MIB1: variants seen among roughly 807,000 people sequenced by gnomAD.
MIB1 encodes the protein MIB E3 ubiquitin protein ligase 1.
MIB1 carries 278 observed loss-of-function variants against 124.5 expected under a neutral mutation model. The observed-to-expected ratio is 2.23, with a 90% CI of 2.02 to 2.47. MIB1 has a LOEUF of 2.47. Among genes scored for constraint, MIB1 ranks in the 30% most tolerant of loss-of-function variants. The probability of loss-of-function intolerance (pLI) is 0.00; values close to 1 mark genes in which losing one functional copy is unlikely to be tolerated. For missense variants in MIB1, 957 were observed against 1,254.4 expected, an observed-to-expected ratio of 0.76 and a Z score of 3.58; for synonymous variants, 446 against 429.4, an observed-to-expected ratio of 1.04 and a Z score of -0.48.
intron 4 of MIB1, among the ~76,000 whole-genome samples, chr18:21,776,333 A>G (rs1247393772): frequency 1.3e-5 from 2 of 152,014 alleles, no homozygotes; most frequent in African/African-American, 2.4e-5. Flanking sequence ...CCAGGATTCA[A>G]TGACAGTAAA....
intron 1 of MIB1, among the ~76,000 whole-genome samples, chr18:21,757,842 T>C (rs1417693015): frequency 6.6e-6 from 1 of 152,148 alleles, no homozygotes; most frequent in Non-Finnish European, 1.5e-5. Flanking sequence ...AAATAGGATT[T>C]AATAACTTAT....
rs1278051808 is a variant in MIB1, at chr18:21,869,218, A to G, written c.*4552A>G. 1.3e-5 allele frequency: 2 copies of G among 152,470 alleles called. No homozygotes were observed. The highest frequency in any genetic ancestry group is 4.8e-5 in the African/African-American group (2 of 41,436). 9.4% of individuals were successfully genotyped at this position (152,470 alleles called of 1,614,324 possible). On this transcript the variant is annotated 3_prime_UTR_variant, in exon 21 of 21. Coordinates refer to ENST00000261537, the MANE Select transcript of MIB1 (RefSeq NM_020774.4). ...ATGCTGAATATTTTACTTTTCCTGT[A>G]TAGTCTGCATGATTTGTTTCATAAA...
At chr18:21,745,476 CTCATTGGTTTAGGGATATGT>C (rs755278010) in intron 1 of MIB1, among the ~76,000 whole-genome samples, 65 of 152,230 alleles carry the variant, frequency 4.3e-4, no homozygotes, top group Non-Finnish European at 8.5e-4. Context: ...CCAATTGAGA[CTCATTGGTTTAGGGATATGT>C]ACATGCGTGG....
intron 1 of MIB1, among the ~76,000 whole-genome samples, chr18:21,730,290 G>A (rs2040762676): frequency 6.6e-6 from 1 of 152,188 alleles, no homozygotes; most frequent in Admixed American, 6.5e-5. Flanking sequence ...CACTGGGCTG[G>A]GCGCAGTGGC....
intron 16 of MIB1, 151 bp downstream of exon 16, chr18:21,847,276 C>G (rs1421132096): frequency 2.3e-5 from 17 of 732,780 alleles, no homozygotes; most frequent in Admixed American, 1.5e-4. Flanking sequence ...ATTTTTCTTC[C>G]TTGAAAATTT....
intron 9 of MIB1, 36 bp from the exon 10 acceptor site, chr18:21,803,867 TATTC>T (rs753425158): frequency 2.8e-6 from 4 of 1,451,486 alleles, no homozygotes; most frequent in Admixed American, 3.4e-5. Flanking sequence ...TGTTTCTGAT[TATTC>T]ATTCATTCTT....
Position 21,791,459 on chromosome 18 carries a change from C to A in MIB1, c.994C>A (p.Gln332Lys). Residue 332 changes from glutamine (Q) to lysine (K), a missense_variant, in exon 7 of 21, where the codon CAG (glutamine) becomes AAG (lysine). Gln to Lys is a moderately conservative substitution (Grantham distance 53). Coordinates refer to ENST00000261537, the MANE Select transcript of MIB1 (RefSeq NM_020774.4). ...TCAGGGTGCAGAAGGAGGCACCTCG[C>A]AGTTTCAAGTGGGTGATCTTGTACA... ...AAQGAEGGTS[Q>K]FQVGDLVQVC... is the part of the protein sequence containing the mutation. The A allele has an allele frequency of 6.2e-7, 1 of 1,614,034 alleles. No homozygotes were observed. Among genetic ancestry groups the A allele is most frequent in the Non-Finnish European group, 8.5e-7 (1 of 1,179,950 alleles).
intron 1 of MIB1, among the ~76,000 whole-genome samples, chr18:21,754,922 G>A (rs2041013747): frequency 6.6e-6 from 1 of 152,174 alleles, no homozygotes; most frequent in Non-Finnish European, 1.5e-5. Flanking sequence ...TTGGAAAGTA[G>A]TCCCTTTGGA....
chr18:21,863,193 A>G (rs557254742), intron 20 of MIB1, among the ~76,000 whole-genome samples: 3 of 152,324 alleles, frequency 2.0e-5, no homozygotes, highest in South Asian at 2.1e-4. Flanking sequence ...TGCGACTCCA[A>G]AGCCCCTGAG....
At chr18:21,757,321 A>T (rs1370539250) in intron 1 of MIB1, among the ~76,000 whole-genome samples, 7 of 150,926 alleles carry the variant, frequency 4.6e-5, no homozygotes, top group Non-Finnish European at 1.0e-4. Context: ...TTGTGGTGGC[A>T]CATGCCTGTT....
At chr18:21,757,363 A>C (rs771920508) in intron 1 of MIB1, among the ~76,000 whole-genome samples, 134 of 140,672 alleles carry the variant, frequency 9.5e-4, no homozygotes, top group Non-Finnish European at 1.6e-3. Flanking sequence ...GAGACAGGAG[A>C]ATCTCTTGAA....
At chr18:21,849,159 T>C (rs2042160250) in intron 16 of MIB1, 37 bp from the exon 17 acceptor site, 1 of 1,299,938 alleles carries the variant, frequency 7.7e-7, no homozygotes, top group Non-Finnish European at 1.0e-6. Context: ...GAATTTGTAA[T>C]AAGATAGGCT....
intron 13 of MIB1, 104 bp from the exon 14 acceptor site, chr18:21,843,027 G>C: frequency 2.8e-6 from 2 of 714,078 alleles, no homozygotes; most frequent in Non-Finnish European, 2.2e-6. Flanking sequence ...GGAGAAAGTA[G>C]CCAGCAGTGT....
intron 1 of MIB1, among the ~76,000 whole-genome samples, chr18:21,706,560 G>T (rs1323952449): frequency 1.3e-5 from 2 of 152,174 alleles, no homozygotes; most frequent in East Asian, 1.9e-4. Context: ...CCGCGATCAC[G>T]GGCCAGCGGG....
intron 1 of MIB1, among the ~76,000 whole-genome samples, chr18:21,724,774 T>A (rs1265401397): frequency 7.7e-5 from 4 of 52,110 alleles, no homozygotes; most frequent in South Asian, 6.5e-4. Context: ...ATATATATAT[T>A]AGTCTATATG....
intron 6 of MIB1, among the ~76,000 whole-genome samples, chr18:21,789,021 G>GA (rs1412998878): frequency 4.7e-4 from 71 of 152,182 alleles, no homozygotes; most frequent in African/African-American, 1.7e-3. Flanking sequence ...ATATTGTTTA[G>GA]ATGGTATATT....
chr18:21,845,167 C>T (rs1476954539), intron 15 of MIB1, among the ~76,000 whole-genome samples: 1 of 151,972 alleles, frequency 6.6e-6, no homozygotes, highest in South Asian at 2.1e-4. Context: ...CATGCCACCA[C>T]GCCCAGCTAA....
At chr18:21,764,923 T>C (rs1196533597) in intron 1 of MIB1, among the ~76,000 whole-genome samples, 4 of 152,128 alleles carry the variant, frequency 2.6e-5, no homozygotes, top group Non-Finnish European at 5.9e-5. Flanking sequence ...ATCCAGGATG[T>C]GTTTATAAAG....
intron 1 of MIB1, among the ~76,000 whole-genome samples, chr18:21,716,398 CA>C (rs2040689802): frequency 6.6e-6 from 1 of 152,120 alleles, no homozygotes. Context: ...GGAAACACAT[CA>C]AAACAGAACC....
Sources: gnomAD v4.1 joint callset for allele counts (sites outside exome capture counted in the v4.1 genomes callset) on GRCh38, gnomAD v4.1.1 for gene constraint, MANE v1.5 for transcripts, NCBI Gene and HGNC (gene_info 2026-07-23, HGNC 2026-07-21) for gene names.